Variants in JAZF1 observed in about 807,000 individuals in gnomAD.
The protein encoded by JAZF1 is JAZF zinc finger 1, also known as juxtaposed with another zinc finger protein 1.
A neutral mutation model predicts 26.4 loss-of-function variants in JAZF1; 8 were observed. That is an observed-to-expected ratio of 0.30 (90% confidence interval 0.18 to 0.55). JAZF1 has a LOEUF of 0.55. JAZF1 is among the 20% of genes least tolerant of loss of function. JAZF1 has a pLI of 0.94. For missense variants in JAZF1, 199 were observed against 322.0 expected (o/e 0.62, Z 2.92); for synonymous variants, 126 against 122.3 (o/e 1.03, Z -0.20).
chr7:28,080,093 C>T (rs1357698819), intron 1 of JAZF1, among the ~76,000 whole-genome samples: 1 of 152,184 alleles, frequency 6.6e-6, no homozygotes, highest in Non-Finnish European at 1.5e-5. Context: ...TATAGTCATC[C>T]AAGCTAGATC....
intron 1 of JAZF1, among the ~76,000 whole-genome samples, chr7:28,066,893 A>G (rs1323072089): frequency 6.6e-6 from 1 of 152,224 alleles, no homozygotes; most frequent in East Asian, 1.9e-4. Context: ...AGCTATCCAA[A>G]AAAACCCTAC....
intron 3 of JAZF1, among the ~76,000 whole-genome samples, chr7:27,855,759 T>G (rs1783238187): frequency 1.3e-5 from 2 of 152,242 alleles, no homozygotes; most frequent in South Asian, 4.1e-4. Flanking sequence ...ACCAGATGGA[T>G]TCACAGCTGA....
chr7:27,875,307 T>A (rs1053108824), intron 3 of JAZF1, among the ~76,000 whole-genome samples: 7 of 152,162 alleles, frequency 4.6e-5, no homozygotes, highest in African/African-American at 1.2e-4. Context: ...CAGCCTTACA[T>A]CACTTTCCTC....
intron 2 of JAZF1, among the ~76,000 whole-genome samples, chr7:27,969,937 T>G (rs566846762): frequency 6.6e-6 from 1 of 152,236 alleles, no homozygotes. Context: ...GGATGTACAA[T>G]AGAAAGATCT....
chr7:28,112,166 C>A (rs1784671790), intron 1 of JAZF1, among the ~76,000 whole-genome samples: 1 of 152,154 alleles, frequency 6.6e-6, no homozygotes, highest in Non-Finnish European at 1.5e-5. Context: ...AGAACAAATA[C>A]CACTAGGAAA....
intron 2 of JAZF1, among the ~76,000 whole-genome samples, chr7:27,942,274 G>C (rs985331596): frequency 6.6e-6 from 1 of 152,172 alleles, no homozygotes; most frequent in Admixed American, 6.5e-5. Flanking sequence ...TCACCCCTGT[G>C]GTCAGAACTG....
At chr7:28,005,828 A>T (rs1782690998) in intron 1 of JAZF1, among the ~76,000 whole-genome samples, 2 of 151,638 alleles carry the variant, frequency 1.3e-5, no homozygotes, top group Non-Finnish European at 2.9e-5. Flanking sequence ...GCTCCTGACA[A>T]TCTTGGCTTC....
chr7:27,848,101 G>GC (rs1783061407), intron 3 of JAZF1, among the ~76,000 whole-genome samples: 1 of 152,204 alleles, frequency 6.6e-6, no homozygotes, highest in Non-Finnish European at 1.5e-5. Flanking sequence ...CGTGAAGGAT[G>GC]CCATTAGGAT....
intron 1 of JAZF1, chr7:28,020,556 G>A: frequency 2.1e-6 from 1 of 471,192 alleles, no homozygotes. Flanking sequence ...CACTTACGTT[G>A]TCCTACGGCA....
At position 27,877,071 on chromosome 7, in the gene JAZF1, C is replaced by T. The variant is rs150626450; in HGVS notation, c.385+18149G>A. 4.5e-3 allele frequency among the ~76,000 whole-genome samples: 686 copies of T among 152,300 alleles called. 2 individuals are homozygous for T. Among genetic ancestry groups the T allele is most frequent in the African/African-American group, 0.016 (651 of 41,562 alleles). ...ATTAGCATTCAGAAGGGCAGGCTACCGAGAGGGCGCTAGACTTTGGCAGAG... is the reference window on the plus strand; with the variant it reads ...ATTAGCATTCAGAAGGGCAGGCTACTGAGAGGGCGCTAGACTTTGGCAGAG... On this transcript the variant is annotated intron_variant, in intron 3 of 4. Transcript: ENST00000283928.
intron 3 of JAZF1, among the ~76,000 whole-genome samples, chr7:27,894,423 A>G (rs1391701858): frequency 2.6e-5 from 4 of 152,210 alleles, no homozygotes; most frequent in African/African-American, 4.8e-5. Context: ...TCAGATTATT[A>G]TAGGCTAATC....
intron 2 of JAZF1, among the ~76,000 whole-genome samples, chr7:27,963,502 G>A (rs1483116237): frequency 6.6e-6 from 1 of 151,350 alleles, no homozygotes; most frequent in Non-Finnish European, 1.5e-5. Flanking sequence ...GTTGTGATGT[G>A]TCACAAACAT....
intron 1 of JAZF1, among the ~76,000 whole-genome samples, chr7:28,053,334 C>T (rs1164913737): frequency 6.6e-6 from 1 of 152,138 alleles, no homozygotes; most frequent in Non-Finnish European, 1.5e-5. Context: ...TGGATATATA[C>T]CCAGAAGTGG....
At chr7:28,148,259 C>T (rs1236509117) in intron 1 of JAZF1, among the ~76,000 whole-genome samples, 11 of 152,050 alleles carry the variant, frequency 7.2e-5, no homozygotes, top group Non-Finnish European at 1.3e-4. Context: ...TTAGTAGAGA[C>T]GGAGTTTCAC....
At chr7:28,072,603 A>G (rs567334959) in intron 1 of JAZF1, among the ~76,000 whole-genome samples, 8 of 152,356 alleles carry the variant, frequency 5.3e-5, no homozygotes, top group Admixed American at 2.0e-4. Flanking sequence ...TATAAAAATT[A>G]GAAAAGATAA....
intron 3 of JAZF1, among the ~76,000 whole-genome samples, chr7:27,864,758 G>C (rs1283527085): frequency 6.6e-6 from 1 of 152,134 alleles, no homozygotes; most frequent in African/African-American, 2.4e-5. Context: ...GTCTCTTCAG[G>C]ACAGCAGGGA....
intron 1 of JAZF1, among the ~76,000 whole-genome samples, chr7:28,092,294 A>C (rs1164755740): frequency 1.2e-4 from 12 of 96,450 alleles, no homozygotes; most frequent in African/African-American, 4.8e-4. Flanking sequence ...AAAAGGCAAA[A>C]AAAAAAAAAA....
Position 28,135,628 on chromosome 7 carries a change from GAGA to G in JAZF1, c.115+44832_115+44834del, listed in dbSNP as rs567511456. ...TGAAACACTGTTTTGAAAGAACACG[GAGA>G]AGAAGTTTTCAAGGGCAAAAGAAAG... On this transcript the variant is annotated intron_variant, in intron 1 of 4. Transcript: ENST00000283928. Among the ~76,000 whole-genome samples the G allele has an allele frequency of 2.9e-3, 446 of 152,290 alleles. 2 individuals carry two copies. Among genetic ancestry groups the G allele is most frequent in the African/African-American group, 9.6e-3 (399 of 41,550 alleles).
chr7:28,000,660 A>C (rs1304432245), intron 1 of JAZF1, among the ~76,000 whole-genome samples: 1 of 131,624 alleles, frequency 7.6e-6, no homozygotes. Flanking sequence ...GTCTCACTCT[A>C]TCACCCAGGA....
Sources: gnomAD v4.1 joint callset for allele counts (sites outside exome capture counted in the v4.1 genomes callset) on GRCh38, gnomAD v4.1.1 for gene constraint, MANE v1.5 for transcripts, NCBI Gene and HGNC (gene_info 2026-07-23, HGNC 2026-07-21) for gene names.